The following PLCB4 variants were observed in gnomAD, a reference collection of about 807,000 sequenced individuals.
PLCB4 encodes the protein phospholipase C beta 4.
In PLCB4, 77 loss-of-function variants were observed where a neutral mutation model predicts 178.8. That is an observed-to-expected ratio of 0.43 (90% CI 0.36 to 0.52). The LOEUF is 0.52. Among genes scored for constraint, PLCB4 ranks in the 20% least tolerant of loss-of-function variants. PLCB4 has a pLI of 0.00. For missense variants in PLCB4, 1,024 were observed against 1,453.4 expected (o/e 0.70, Z 4.80); for synonymous variants, 496 against 490.8 (o/e 1.01, Z -0.14).
intron 3 of PLCB4, among the ~76,000 whole-genome samples, chr20:9,301,265 T>C (rs2094699704): frequency 6.6e-6 from 1 of 151,892 alleles, no homozygotes; most frequent in South Asian, 2.1e-4. Context: ...GGTGGGTATC[T>C]TTTGGGGGCC....
intron 2 of PLCB4, among the ~76,000 whole-genome samples, chr20:9,109,741 C>T (rs545619840): frequency 4.6e-5 from 7 of 152,126 alleles, no homozygotes; most frequent in South Asian, 2.1e-4. Flanking sequence ...GGACTAAGTT[C>T]GTTCTCACAT....
At chr20:9,350,308 G>A (rs993894100) in intron 7 of PLCB4, among the ~76,000 whole-genome samples, 1 of 152,136 alleles carries the variant, frequency 6.6e-6, no homozygotes, top group African/African-American at 2.4e-5. Flanking sequence ...AGTTTATATT[G>A]TATGTCAGAC....
At chr20:9,168,243 G>A (rs1200800180) in intron 2 of PLCB4, among the ~76,000 whole-genome samples, 1 of 152,138 alleles carries the variant, frequency 6.6e-6, no homozygotes, top group African/African-American at 2.4e-5. Flanking sequence ...CTCTCCCGGG[G>A]CTTTGGGGTA....
intron 3 of PLCB4, among the ~76,000 whole-genome samples, chr20:9,232,920 G>A (rs2093949106): frequency 6.6e-6 from 1 of 152,084 alleles, no homozygotes; most frequent in South Asian, 2.1e-4. Context: ...ATTGTAATAT[G>A]TTTATTTGGG....
At chr20:9,403,907 G>A (rs1279684596) in intron 20 of PLCB4, among the ~76,000 whole-genome samples, 1 of 152,216 alleles carries the variant, frequency 6.6e-6, no homozygotes, top group East Asian at 1.9e-4. Flanking sequence ...TGTTAGCATG[G>A]AGGTCGTTGG....
chr20:9,415,214 T>TG (rs1467998450), intron 25 of PLCB4, among the ~76,000 whole-genome samples: 6 of 152,232 alleles, frequency 3.9e-5, no homozygotes, highest in Non-Finnish European at 7.3e-5. Context: ...ATTTTCCTAT[T>TG]GGGTTTTCTA....
chr20:9,405,167 T>C, intron 20 of PLCB4, 146 bp from the exon 21 acceptor site: 2 of 530,974 alleles, frequency 3.8e-6, no homozygotes, highest in Non-Finnish European at 6.7e-6. Flanking sequence ...TCCATGGCTT[T>C]TTGTCATCAG....
At chr20:9,380,226 G>A (rs2037027266) in intron 13 of PLCB4, 64 bp downstream of exon 13, 2 of 821,970 alleles carry the variant, frequency 2.4e-6, no homozygotes, top group Non-Finnish European at 2.0e-6. Context: ...TTAAAGCCTT[G>A]GTTTATTTAA....
At chr20:9,144,155 G>A (rs1167552961) in intron 2 of PLCB4, among the ~76,000 whole-genome samples, 4 of 152,092 alleles carry the variant, frequency 2.6e-5, no homozygotes, top group Non-Finnish European at 5.9e-5. Flanking sequence ...GTAGGAGGCA[G>A]AAATAAATTC....
Position 9,302,489 on chromosome 20 carries a change from G to A in PLCB4, c.-15-5311G>A, listed in dbSNP as rs368645875. Among the ~76,000 whole-genome samples, 7 of 152,172 alleles carry A rather than the reference G, an allele frequency of 4.6e-5. No individual in the cohort carries two copies. In the East Asian group the frequency reaches 5.8e-4, roughly 13 times the overall value. On this transcript the variant is annotated intron_variant, in intron 3 of 39. Transcript: ENST00000378473. ...GGCCCTAGGAAGTTTTCCACAGATA[G>A]CACAAAGAACAGCCTCGACCACAGC...
At chr20:9,302,871 T>G (rs534024049) in intron 3 of PLCB4, among the ~76,000 whole-genome samples, 2 of 152,100 alleles carry the variant, frequency 1.3e-5, no homozygotes, top group Admixed American at 6.6e-5. Flanking sequence ...TTTTTATTTT[T>G]ATTTTTGATA....
intron 3 of PLCB4, among the ~76,000 whole-genome samples, chr20:9,245,430 T>C (rs1470964054): frequency 6.6e-6 from 1 of 152,120 alleles, no homozygotes; most frequent in Non-Finnish European, 1.5e-5. Flanking sequence ...AAGTTAAGGA[T>C]TTTGAGGGGA....
chr20:9,165,207 G>A (rs915319553), intron 2 of PLCB4, among the ~76,000 whole-genome samples: 9 of 152,138 alleles, frequency 5.9e-5, no homozygotes, highest in African/African-American at 2.2e-4. Context: ...CACAAAACAT[G>A]CTGTTTCTTA....
chr20:9,107,467 G>A (rs1171381092), intron 2 of PLCB4, among the ~76,000 whole-genome samples: 2 of 152,164 alleles, frequency 1.3e-5, no homozygotes, highest in Non-Finnish European at 2.9e-5. Flanking sequence ...TGGTCTTTGA[G>A]TCAAGGCCCT....
chr20:9,466,288 G>A (rs920483104), intron 35 of PLCB4, among the ~76,000 whole-genome samples: 10 of 152,178 alleles, frequency 6.6e-5, no homozygotes, highest in African/African-American at 2.4e-4. Flanking sequence ...ATTAATTCAA[G>A]ATGGATTAAA....
intron 1 of PLCB4, among the ~76,000 whole-genome samples, chr20:9,090,693 C>T (rs576848147): frequency 6.2e-4 from 95 of 152,220 alleles, no homozygotes; most frequent in African/African-American, 2.3e-3. Context: ...TCATCACAGA[C>T]TGTGAGCATA....
At chr20:9,349,628 G>A (rs961653451) in intron 7 of PLCB4, among the ~76,000 whole-genome samples, 1 of 152,116 alleles carries the variant, frequency 6.6e-6, no homozygotes, top group Non-Finnish European at 1.5e-5. Context: ...GAACTTGACA[G>A]GTTTCATAAG....
intron 19 of PLCB4, among the ~76,000 whole-genome samples, chr20:9,399,531 C>T (rs999870937): frequency 6.6e-6 from 1 of 152,202 alleles, no homozygotes; most frequent in Non-Finnish European, 1.5e-5. Context: ...ATAGAAAAGG[C>T]TTTCAGTCAG....
intron 3 of PLCB4, among the ~76,000 whole-genome samples, chr20:9,306,402 C>T (rs937286419): frequency 6.6e-6 from 1 of 152,100 alleles, no homozygotes; most frequent in African/African-American, 2.4e-5. Flanking sequence ...AGGCGTGAGC[C>T]ACTGAGCCCG....
Sources: gnomAD v4.1 joint callset for allele counts (sites outside exome capture counted in the v4.1 genomes callset) on GRCh38, gnomAD v4.1.1 for gene constraint, MANE v1.5 for transcripts, NCBI Gene and HGNC (gene_info 2026-07-23, HGNC 2026-07-21) for gene names.